Variants in MED1 observed in about 807,000 individuals in gnomAD.
MED1 encodes the protein mediator complex subunit 1.
In MED1, 17 loss-of-function variants were observed where a neutral mutation model predicts 121.3. The ratio of observed to expected loss-of-function variants is 0.14; its 90% CI spans 0.10 to 0.21. The LOEUF is 0.21. Ranked by LOEUF, MED1 falls within the 10% of genes least tolerant of loss-of-function variation. MED1 has a pLI of 1.00. For synonymous variants in MED1, 661 were observed against 694.4 expected, an observed-to-expected ratio of 0.95 and a Z score of 0.76; for missense variants, 1,558 against 1,919.4, an observed-to-expected ratio of 0.81 and a Z score of 3.52.
intron 14 of MED1, among the ~76,000 whole-genome samples, chr17:39,417,255 A>T (rs529231067): frequency 1.3e-5 from 2 of 152,034 alleles, no homozygotes; most frequent in East Asian, 3.9e-4. Flanking sequence ...GCTTGAACCC[A>T]GGAGGCAAAG....
chr17:39,420,686 G>A (rs2048454239), intron 13 of MED1, among the ~76,000 whole-genome samples: 1 of 151,580 alleles, frequency 6.6e-6, no homozygotes, highest in Admixed American at 6.6e-5. Flanking sequence ...CCAGGATGGA[G>A]TACAATTGTG....
Position 39,409,517 on chromosome 17 carries a change from C to T in MED1, c.2704G>A (p.Ala902Thr). 1 of 1,614,144 alleles carries T rather than the reference C, an allele frequency of 6.2e-7. No individual in the cohort carries two copies. Among genetic ancestry groups the T allele is most frequent in the Non-Finnish European group, 8.5e-7 (1 of 1,180,022 alleles). The change falls in exon 17 of 17, where the codon GCA (alanine) becomes ACA (threonine). Residue 902 changes from alanine (A) to threonine (T), a missense_variant. Around this residue, in one of 5 missense-constraint regions of MED1, gnomAD observed 793 missense variants for 898.2 expected, o/e 0.88. Coordinates refer to ENST00000300651, the MANE Select transcript of MED1 (RefSeq NM_004774.4). ...ATTGGCACCCCCAAAGTATTTAGTG[C>T]CTGAGATGCAAATCCTTTGAAATCA... ...NDDFKGFASQALNTLGVPMLG... is the reference protein window; with the variant it reads ...NDDFKGFASQTLNTLGVPMLG...
chr17:39,439,159 G>C lies in MED1; in HGVS notation c.428+6C>G, dbSNP rs371675097. The C allele has an allele frequency of 2.5e-6, 4 of 1,592,924 alleles. No individual in the cohort carries two copies. The highest frequency in any genetic ancestry group is 2.3e-5 in the East Asian group (1 of 44,342). On this transcript the variant is annotated splice_donor_region_variant and intron_variant, in intron 6 of 16. Transcript: ENST00000300651. The stretch of plus-strand genomic sequence containing the variant: ...ATATCAAGGAATATAAATCGTATTT[G>C]CTCACCTTAGCTGCTGTACAAGCTC...
chr17:39,431,085 T>C (rs765960897), intron 9 of MED1, 30 bp downstream of exon 9: 3 of 1,558,258 alleles, frequency 1.9e-6, no homozygotes, highest in Non-Finnish European at 8.8e-7. Flanking sequence ...ATTACACATG[T>C]TTCTAAACAA....
chr17:39,443,516 G>A, intron 3 of MED1, 34 bp downstream of exon 3: 1 of 1,568,942 alleles, frequency 6.4e-7, no homozygotes, highest in Non-Finnish European at 8.8e-7. Context: ...TGGGGGTTTT[G>A]TGAAATCAGC....
intron 7 of MED1, among the ~76,000 whole-genome samples, chr17:39,433,546 T>TATATATATATATATATATACATAC (rs540103395): frequency 1.9e-4 from 29 of 150,518 alleles, no homozygotes; most frequent in African/African-American, 7.1e-4. Flanking sequence ...TATATATATA[T>TATATATATATATATATATACATAC]ACACACATAT....
intron 16 of MED1, among the ~76,000 whole-genome samples, chr17:39,413,260 T>G (rs756810823): frequency 5.9e-5 from 9 of 152,146 alleles, no homozygotes; most frequent in Admixed American, 1.3e-4. Flanking sequence ...TTTTTATTTA[T>G]TTAGTTAGTT....
chr17:39,422,781 C>A (rs1312078668), intron 13 of MED1, among the ~76,000 whole-genome samples: 2 of 150,572 alleles, frequency 1.3e-5, no homozygotes, highest in South Asian at 2.1e-4. Context: ...GGCCAATCAC[C>A]CAAAATTTCA....
In MED1 at chr17:39,407,368, T is replaced by G; in HGVS notation, c.*107A>C. ...ATGTCAAAGCCATGCCATTTAGGATTCTTAACCAAATCAGACCTGTCTGAC... is the reference window on the plus strand; with the variant it reads ...ATGTCAAAGCCATGCCATTTAGGATGCTTAACCAAATCAGACCTGTCTGAC... On this transcript the variant is annotated 3_prime_UTR_variant, in exon 17 of 17. Transcript: ENST00000300651. 2 of 1,444,562 alleles carry G rather than the reference T, an allele frequency of 1.4e-6. No homozygotes were observed. Among genetic ancestry groups the G allele is most frequent in the African/African-American group, 2.9e-5 (2 of 70,038 alleles). The allele number at this position is 1,444,562 out of a possible 1,614,324, so 89.5% of individuals were successfully genotyped here. A position where few individuals can be genotyped will look rare whatever the true frequency, so the allele number is the denominator to read the frequency against.
At chr17:39,423,562 T>C (rs2048487002) in intron 12 of MED1, 117 bp from the exon 13 acceptor site, 14 of 1,440,714 alleles carry the variant, frequency 9.7e-6, no homozygotes, top group Middle Eastern at 3.6e-4. Flanking sequence ...CATTTACTAG[T>C]ACAAAGCACT....
In MED1 at chr17:39,409,602, C is replaced by G. The variant is rs780239516; in HGVS notation, c.2619G>C (p.Gln873His). The G allele has an allele frequency of 2.5e-6, 4 of 1,614,154 alleles. No homozygotes were observed. The highest frequency in any genetic ancestry group is 3.4e-6 in the Non-Finnish European group (4 of 1,180,042). Residue 873 changes from glutamine (Q) to histidine (H), a missense_variant, in exon 17 of 17, where the codon CAG (glutamine) becomes CAC (histidine). Transcript: ENST00000300651. Reference protein sequence around the residue: ...VDFNPDLLNSQSQSGFGEEYF... With the variant: ...VDFNPDLLNSHSQSGFGEEYF... The stretch of plus-strand genomic sequence containing the variant: ...ATTCTTCTCCAAAACCACTTTGGCT[C>G]TGGCTGTTCAATAAATCAGGATTGA...
In MED1 at chr17:39,447,800, T is replaced by A. The variant is rs376167532; in HGVS notation, c.130A>T (p.Met44Leu). ...SETIKLVRQV[M>L]EKRVVMSSGG... is the part of the protein sequence containing the mutation. ...ACCCACTTCACCACAATCCTTACCA[T>A]GACTTGACGCACAAGCTTAATGGTT... Residue 44 changes from methionine to leucine, a missense_variant and splice_region_variant, in exon 2 of 17, where the codon ATG becomes TTG. Transcript: ENST00000300651. The A allele has an allele frequency of 1.9e-6, 3 of 1,609,370 alleles. No individual in the cohort carries two copies. The highest frequency in any genetic ancestry group is 2.7e-5 in the African/African-American group (2 of 74,798).
At position 39,409,411 on chromosome 17, in the gene MED1, G is replaced by A. The variant is rs143360733; in HGVS notation, c.2810C>T (p.Ala937Val). 1.2e-4 allele frequency: 194 copies of A among 1,613,958 alleles called. No homozygotes were observed. Among genetic ancestry groups the A allele is most frequent in the Non-Finnish European group, 1.6e-4 (189 of 1,180,034 alleles). The change falls in exon 17 of 17, where the codon GCC becomes GTC. Residue 937 changes from alanine to valine, a missense_variant. Coordinates refer to ENST00000300651, the MANE Select transcript of MED1 (RefSeq NM_004774.4). ...DTVDFSIISV[A>V]GKALAPADLM... ...ATCTGCAGGAGCTAAAGCTTTGCCG[G>A]CTACTGAAATAATACTGAAATCAAC...
intron 3 of MED1, among the ~76,000 whole-genome samples, chr17:39,442,761 C>T (rs1319847871): frequency 2.0e-5 from 3 of 150,604 alleles, no homozygotes; most frequent in Non-Finnish European, 4.4e-5. Flanking sequence ...TAAAATTACC[C>T]GGGCATGGTG....
At chr17:39,423,193 C>T (rs2048483804) in intron 13 of MED1, 134 bp downstream of exon 13, 2 of 725,610 alleles carry the variant, frequency 2.8e-6, no homozygotes, top group African/African-American at 1.8e-5. Context: ...AATTTCCTGC[C>T]TTACTAAAGA....
At chr17:39,434,169 G>T in intron 7 of MED1, 80 bp downstream of exon 7, 1 of 920,644 alleles carries the variant, frequency 1.1e-6, no homozygotes, top group South Asian at 1.6e-5. Context: ...CAGAAGAGGT[G>T]GCAAATTTCT....
At chr17:39,412,353 C>A (rs756317071) in intron 16 of MED1, among the ~76,000 whole-genome samples, 1 of 149,918 alleles carries the variant, frequency 6.7e-6, no homozygotes, top group Non-Finnish European at 1.5e-5. Flanking sequence ...CTCAGCCTCT[C>A]GAGTAGCTGG....
rs1597848322 is a variant in MED1 at position 39,406,006 on chromosome 17, G to A, written c.*1469C>T. 3 of 985,306 alleles carry A rather than the reference G, an allele frequency of 3.0e-6. No individual in the cohort carries two copies. The allele number at this position is 985,306 out of a possible 1,614,324, so 61.0% of individuals were successfully genotyped here. On this transcript the variant is annotated 3_prime_UTR_variant, in exon 17 of 17. Transcript: ENST00000300651. ...GAATAATCAGGAATGGCACAGTGCAGGTGTCAATATCAAAGTAAGGCCGCA... is the reference window on the plus strand; with the variant it reads ...GAATAATCAGGAATGGCACAGTGCAAGTGTCAATATCAAAGTAAGGCCGCA...
chr17:39,423,130 G>A (rs145835664), intron 13 of MED1, among the ~76,000 whole-genome samples, 197 bp downstream of exon 13: 14,809 of 151,846 alleles, frequency 0.098, 1,017 homozygotes, highest in Non-Finnish European at 0.14. Context: ...CTCCTAAAGT[G>A]CGGGGATTAC....
Sources: allele counts gnomAD v4.1 joint callset (sites outside exome capture counted in the v4.1 genomes callset), GRCh38; gene constraint gnomAD v4.1.1; regional missense constraint gnomAD v4.1.1; transcripts MANE v1.5; gene names NCBI Gene and HGNC (gene_info 2026-07-23, HGNC 2026-07-21).